LAMA3: variants seen among roughly 807,000 people sequenced by gnomAD.
The protein encoded by LAMA3 is laminin subunit alpha 3.
In LAMA3, 281 loss-of-function variants were observed where a neutral mutation model predicts 402.0. The observed-to-expected ratio is 0.70, with a 90% CI of 0.63 to 0.77. LAMA3 has a LOEUF of 0.77. Among genes scored for constraint, LAMA3 ranks in the 30% least tolerant of loss-of-function variants. LAMA3 has a pLI of 0.00. For synonymous variants in LAMA3, 1,431 were observed against 1,558.4 expected (o/e 0.92, Z 1.93); for missense variants, 3,840 against 4,215.5 (o/e 0.91, Z 2.47).
At chr18:23,730,701 GATGAATACAAGCAAT>G (rs780025471) in intron 2 of LAMA3, among the ~76,000 whole-genome samples, 20 of 151,992 alleles carry the variant, frequency 1.3e-4, no homozygotes, top group Non-Finnish European at 2.4e-4. Flanking sequence ...ATGGGATGTA[GATGAATACAAGCAAT>G]ATATTGATGA....
In LAMA3 at chr18:23,834,965, A is replaced by G. The variant is rs79407830; in HGVS notation, c.2984+977A>G. The G allele has an allele frequency of 1.4e-4, 22 of 152,378 alleles. No homozygotes were observed. In the East Asian group the frequency reaches 4.2e-3, roughly 29 times the overall value. The allele number at this position is 152,378 out of a possible 1,614,324, so 9.4% of individuals were successfully genotyped here. ...GCAGCTGCGAAGTCTTTGTCTTTGA[A>G]TGATGATAGAACCAAAGAAGGTAAT... is the stretch of plus-strand genomic sequence containing the variant. On this transcript the variant is annotated intron_variant, in intron 24 of 74. Coordinates refer to ENST00000313654, the MANE Select transcript of LAMA3 (RefSeq NM_198129.4).
intron 2 of LAMA3, among the ~76,000 whole-genome samples, chr18:23,737,189 T>C (rs1400717133): frequency 6.6e-6 from 1 of 152,174 alleles, no homozygotes; most frequent in Non-Finnish European, 1.5e-5. Flanking sequence ...GCTCCTGTTG[T>C]ACTCCATGTC....
intron 2 of LAMA3, among the ~76,000 whole-genome samples, chr18:23,739,793 A>G (rs2061533167): frequency 6.6e-6 from 1 of 152,232 alleles, no homozygotes; most frequent in Non-Finnish European, 1.5e-5. Context: ...TATTTTGTTG[A>G]AGCCTATTCT....
chr18:23,689,942 G>A lies in LAMA3; in HGVS notation c.259G>A (p.Gly87Ser), dbSNP rs931782907. Reference protein sequence around the residue: ...QPELYCKLVGGPTAPGSGHTI... With the variant: ...QPELYCKLVGSPTAPGSGHTI... ...CGAGCTCTACTGCAAGTTGGTCGGG[G>A]GCCCCACCGCCCCAGGCAGCGGCCA... is the stretch of plus-strand genomic sequence containing the variant. Residue 87 changes from glycine (G) to serine (S), a missense_variant, in exon 1 of 75, where the codon GGC (glycine) becomes AGC (serine). Gly to Ser is a moderately conservative substitution (Grantham distance 56). Around this residue, in one of 3 missense-constraint regions of LAMA3, gnomAD observed 2,109 missense variants for 2,376.0 expected, o/e 0.89. Transcript: ENST00000313654. The A allele has an allele frequency of 6.6e-7, 1 of 1,523,438 alleles. No homozygotes were observed. The highest frequency in any genetic ancestry group is 8.8e-7 in the Non-Finnish European group (1 of 1,135,122). 94.4% of individuals were successfully genotyped at this position (1,523,438 alleles called of 1,614,324 possible).
chr18:23,749,286 T>A, intron 3 of LAMA3, 142 bp from the exon 4 acceptor site: 1 of 603,466 alleles, frequency 1.7e-6, no homozygotes, highest in East Asian at 2.8e-5. Context: ...AACTCCATTA[T>A]CAGCCTTTCT....
At chr18:23,921,606 C>T (rs199542708) in intron 62 of LAMA3, 21 bp downstream of exon 62, 45 of 1,612,814 alleles carry the variant, frequency 2.8e-5, no homozygotes, top group Admixed American at 1.5e-4. Context: ...TTTTTTAAAA[C>T]GAGATTTAAA....
At chr18:23,705,478 C>CACACACAG (rs1167397780) in intron 1 of LAMA3, among the ~76,000 whole-genome samples, 2 of 151,712 alleles carry the variant, frequency 1.3e-5, no homozygotes, top group African/African-American at 4.8e-5. Flanking sequence ...CACACACACA[C>CACACACAG]ACAGACATAT....
At chr18:23,715,618 A>T in intron 2 of LAMA3, among the ~76,000 whole-genome samples, 1 of 152,238 alleles carries the variant, frequency 6.6e-6, no homozygotes, top group African/African-American at 2.4e-5. Flanking sequence ...TATGATAGAG[A>T]TAGCAACATG....
intron 41 of LAMA3, 40 bp downstream of exon 41, chr18:23,884,893 G>C: frequency 6.6e-7 from 1 of 1,522,884 alleles, no homozygotes; most frequent in South Asian, 1.2e-5. Flanking sequence ...TGCAGAGGGG[G>C]CGGGGAGGGC....
At chr18:23,906,759 G>A (rs1049644843) in intron 52 of LAMA3, among the ~76,000 whole-genome samples, 6 of 152,068 alleles carry the variant, frequency 3.9e-5, no homozygotes, top group African/African-American at 1.4e-4. Context: ...GGATTTCCTG[G>A]TATGACATCT....
chr18:23,914,637 C>G, intron 57 of LAMA3, 61 bp from the exon 58 acceptor site: 1 of 1,600,662 alleles, frequency 6.2e-7, no homozygotes, highest in East Asian at 2.3e-5. Context: ...TTTTTAGTGG[C>G]TTGGCTTTGA....
intron 2 of LAMA3, among the ~76,000 whole-genome samples, chr18:23,721,573 G>A (rs2061213508): frequency 2.6e-5 from 4 of 152,114 alleles, no homozygotes; most frequent in Admixed American, 2.6e-4. Flanking sequence ...ACAAATCAGG[G>A]CTGCTCCTTT....
chr18:23,932,430 A>G lies in LAMA3; in HGVS notation c.8708+139A>G, dbSNP rs757113541. On this transcript the variant is annotated intron_variant, in intron 66 of 74. Coordinates refer to ENST00000313654, the MANE Select transcript of LAMA3 (RefSeq NM_198129.4). ...GCATACCACAGTCTTTCAAAATGCC[A>G]TCTTTGGCAAGATACACCCATTAAA... The G allele has an allele frequency of 3.1e-6, 3 of 969,568 alleles. 1 individual carries two copies. Among genetic ancestry groups the G allele is most frequent in the Non-Finnish European group, 4.8e-6 (3 of 628,872 alleles). 60.1% of individuals were successfully genotyped at this position (969,568 alleles called of 1,614,324 possible). A position where few individuals can be genotyped will look rare whatever the true frequency, so the allele number is the denominator to read the frequency against.
chr18:23,952,927 A>T, intron 73 of LAMA3, 63 bp from the exon 74 acceptor site: 1 of 1,610,390 alleles, frequency 6.2e-7, no homozygotes, highest in East Asian at 2.2e-5. Context: ...AACAAAGTCA[A>T]TGGTGTAGAC....
At chr18:23,902,625 T>A (rs1487086493) in intron 48 of LAMA3, among the ~76,000 whole-genome samples, 2 of 152,216 alleles carry the variant, frequency 1.3e-5, no homozygotes, top group African/African-American at 4.8e-5. Context: ...CCGTGTGACC[T>A]CTCGGTCAAG....
At position 23,928,538 on chromosome 18, in the gene LAMA3, T is replaced by C. The variant is rs2082074462; in HGVS notation, c.8296-87T>C. On this transcript the variant is annotated intron_variant, in intron 63 of 74. Transcript: ENST00000313654. ...GGTTACATAAATCACATTAATCAGT[T>C]TGAGTAAAGTGAGATAGGGTAAGGT... The C allele has an allele frequency of 1.2e-5, 15 of 1,256,858 alleles. 1 individual carries two copies. In the South Asian group the frequency reaches 1.8e-4, roughly 15 times the overall value. 77.9% of individuals were successfully genotyped at this position (1,256,858 alleles called of 1,614,324 possible).
intron 11 of LAMA3, among the ~76,000 whole-genome samples, chr18:23,781,092 A>T (rs2062427778): frequency 6.6e-6 from 1 of 152,158 alleles, no homozygotes; most frequent in Non-Finnish European, 1.5e-5. Flanking sequence ...GAGGTGTGGG[A>T]TGTTCTTTCT....
At chr18:23,720,229 G>A (rs1023614623) in intron 2 of LAMA3, among the ~76,000 whole-genome samples, 22 of 152,256 alleles carry the variant, frequency 1.4e-4, no homozygotes, top group African/African-American at 3.4e-4. Flanking sequence ...ATTACGGTTC[G>A]TTCCATTTAT....
rs1265412330 is a variant in LAMA3 at position 23,747,844 on chromosome 18, G to C, written c.448-99G>C. Reference sequence around the variant, plus strand: ...TCGGGATCTTGAGCAAGGGATTGTGGTGGGACGTGTTGCCTTGGGAATCAG... The same window carrying C: ...TCGGGATCTTGAGCAAGGGATTGTGCTGGGACGTGTTGCCTTGGGAATCAG... On this transcript the variant is annotated intron_variant, in intron 2 of 74. Coordinates refer to ENST00000313654, the MANE Select transcript of LAMA3 (RefSeq NM_198129.4). 5.1e-6 allele frequency: 4 copies of C among 779,606 alleles called. No homozygotes were observed. In the East Asian group the frequency reaches 9.8e-5, roughly 19 times the overall value. 48.3% of individuals were successfully genotyped at this position (779,606 alleles called of 1,614,324 possible). A position where few individuals can be genotyped will look rare whatever the true frequency, so the allele number is the denominator to read the frequency against.
Sources: allele counts gnomAD v4.1 joint callset (sites outside exome capture counted in the v4.1 genomes callset), GRCh38; gene constraint gnomAD v4.1.1; regional missense constraint gnomAD v4.1.1; transcripts MANE v1.5; gene names NCBI Gene and HGNC (gene_info 2026-07-23, HGNC 2026-07-21).